SSUH2: variants seen among roughly 807,000 people sequenced by gnomAD.
SSUH2 encodes protein SSUH2 homolog.
SSUH2 carries 47 observed loss-of-function variants against 55.3 expected under a neutral mutation model. The observed-to-expected ratio is 0.85, with a 90% CI of 0.67 to 1.08. SSUH2 has a LOEUF of 1.08. Among genes scored for constraint, SSUH2 ranks in the 50% least tolerant of loss-of-function variants. The probability of loss-of-function intolerance (pLI) is 0.00; values close to 1 mark genes in which losing one functional copy is unlikely to be tolerated. For missense variants in SSUH2, 535 were observed against 490.7 expected (o/e 1.09, Z -0.85); for synonymous variants, 212 against 191.5 (o/e 1.11, Z -0.89).
intron 11 of SSUH2, among the ~76,000 whole-genome samples, chr3:8,621,512 A>AG (rs1696426595): frequency 6.6e-6 from 1 of 152,168 alleles, no homozygotes; most frequent in Non-Finnish European, 1.5e-5. Flanking sequence ...AGGAGAGGCC[A>AG]GGGGGCAGCA....
intron 8 of SSUH2, chr3:8,626,996 C>A (rs1419987012): frequency 6.6e-6 from 1 of 152,148 alleles, no homozygotes; most frequent in African/African-American, 2.4e-5. Flanking sequence ...AAATAAGTGT[C>A]TTTTTCCCAG....
At chr3:8,676,918 C>G (rs1198958917) in intron 3 of SSUH2, among the ~76,000 whole-genome samples, 1 of 144,826 alleles carries the variant, frequency 6.9e-6, no homozygotes, top group Admixed American at 6.8e-5. Flanking sequence ...CTCTTTCCCC[C>G]CTGGCTCTTA....
intron 11 of SSUH2, 98 bp downstream of exon 11, chr3:8,623,451 C>G (rs1696857254): frequency 6.2e-6 from 5 of 800,626 alleles, no homozygotes; most frequent in Non-Finnish European, 1.1e-5. Flanking sequence ...TCCCTCACCT[C>G]TACGTCCTCA....
At chr3:8,634,694 G>T in intron 3 of SSUH2, 1 of 780,440 alleles carries the variant, frequency 1.3e-6, no homozygotes, top group South Asian at 1.4e-5. Context: ...GTTGCTTCTG[G>T]CAGCAGCAGG....
chr3:8,632,014 C>T lies in SSUH2; in HGVS notation c.400+35G>A, dbSNP rs115761636. On this transcript the variant is annotated intron_variant, in intron 5 of 11. Transcript: ENST00000544814. Reference sequence around the variant, plus strand: ...TTCCACCAGCACCCTGACTTATTTGCCCCCAGTTAAACTAATTTCAGACAA... The same window carrying T: ...TTCCACCAGCACCCTGACTTATTTGTCCCCAGTTAAACTAATTTCAGACAA... The T allele has an allele frequency of 4.7e-3, 7,328 of 1,565,278 alleles. 27 individuals are homozygous for T. The highest frequency in any genetic ancestry group is 6.1e-3 in the Non-Finnish European group (6,875 of 1,135,724).
intron 1 of SSUH2, among the ~76,000 whole-genome samples, chr3:8,644,383 G>A (rs1381911426): frequency 6.6e-6 from 1 of 152,172 alleles, no homozygotes; most frequent in Non-Finnish European, 1.5e-5. Flanking sequence ...AGAATATAAG[G>A]TTTGCATGGT....
chr3:8,625,481 G>T (rs1697340944), intron 10 of SSUH2, 61 bp downstream of exon 10: 1 of 1,043,172 alleles, frequency 9.6e-7, no homozygotes, highest in Admixed American at 1.8e-5. Context: ...AGCAGCCCCA[G>T]GCCCACGAGA....
upstream of SSUH2, among the ~76,000 whole-genome samples, chr3:8,647,911 G>A (rs1041297230): frequency 6.6e-6 from 1 of 152,238 alleles, no homozygotes; most frequent in South Asian, 2.1e-4. Flanking sequence ...GTATGGAGTG[G>A]AGGAGAATGG....
intron 6 of SSUH2, among the ~76,000 whole-genome samples, chr3:8,662,800 T>G (rs1703627983): frequency 6.6e-6 from 1 of 152,184 alleles, no homozygotes; most frequent in African/African-American, 2.4e-5. Context: ...TCATCCCAAA[T>G]CTGCACTCGC....
chr3:8,681,410 C>A (rs923122033), intron 1 of SSUH2, among the ~76,000 whole-genome samples: 2 of 147,680 alleles, frequency 1.4e-5, no homozygotes, highest in African/African-American at 5.0e-5. Context: ...TGGGGAGGCA[C>A]CCCCGGCGAG....
intron 8 of SSUH2, chr3:8,627,362 C>T (rs535124886): frequency 8.4e-6 from 2 of 239,396 alleles, no homozygotes; most frequent in East Asian, 8.0e-5. Context: ...AAAAATCTGG[C>T]CTTTAGGTGG....
intron 3 of SSUH2, among the ~76,000 whole-genome samples, chr3:8,676,600 C>G (rs201930855): frequency 2.0e-4 from 30 of 150,964 alleles, no homozygotes; most frequent in African/African-American, 4.9e-4. Context: ...AATATCACAG[C>G]GTGGGTGTAC....
upstream of SSUH2, among the ~76,000 whole-genome samples, chr3:8,647,987 C>G (rs746591781): frequency 5.9e-5 from 9 of 152,202 alleles, no homozygotes; most frequent in Non-Finnish European, 1.0e-4. Context: ...AAGCACCCTC[C>G]TCTCTCTGGG....
intron 1 of SSUH2, among the ~76,000 whole-genome samples, chr3:8,643,068 A>C (rs1701130741): frequency 6.6e-6 from 1 of 152,188 alleles, no homozygotes; most frequent in South Asian, 2.1e-4. Flanking sequence ...TCAAAACAGG[A>C]ACTTCACAGA....
At chr3:8,663,687 A>G (rs984398925) in intron 6 of SSUH2, 2 of 394,034 alleles carry the variant, frequency 5.1e-6, no homozygotes, top group Non-Finnish European at 1.0e-5. Context: ...TTGATTAACT[A>G]ACTCAGCCTC....
chr3:8,671,841 G>C (rs1057346703), intron 4 of SSUH2: 1 of 144,540 alleles, frequency 6.9e-6, no homozygotes, highest in Non-Finnish European at 1.5e-5. Flanking sequence ...CACATCGCAG[G>C]GGGGCGGGCG....
At position 8,678,690 on chromosome 3, in the gene SSUH2, A is replaced by T. The variant is rs56060608; in HGVS notation, c.-901+1015T>A. On this transcript the variant is annotated intron_variant, in intron 2 of 18. Coordinates refer to the SSUH2 transcript ENST00000317371. Reference sequence around the variant, plus strand: ...GCGAGGCGGGGATTGAGAGCCAGCCACTCTTCCCCTCCTGGGTCTTAGGAC... The same window carrying T: ...GCGAGGCGGGGATTGAGAGCCAGCCTCTCTTCCCCTCCTGGGTCTTAGGAC... 2.4e-3 allele frequency among the ~76,000 whole-genome samples: 55 copies of T among 22,586 alleles called. 15 individuals are homozygous for T. The highest frequency in any genetic ancestry group is 3.7e-3 in the Non-Finnish European group (46 of 12,454). 14.8% of individuals were successfully genotyped at this position (22,586 alleles called of 152,430 possible).
At chr3:8,639,965 C>T (rs1012249995) in intron 1 of SSUH2, 2 of 985,208 alleles carry the variant, frequency 2.0e-6, no homozygotes, top group African/African-American at 1.7e-5. Flanking sequence ...GGTGTATTGT[C>T]GATATGCACA....
chr3:8,678,625 G>GCCA (rs1258950557), intron 2 of SSUH2, among the ~76,000 whole-genome samples: 2 of 65,698 alleles, frequency 3.0e-5, no homozygotes, highest in African/African-American at 5.4e-5. Context: ...TTCCCCCCCG[G>GCCA]CTTTTGGGAC....
Sources: gnomAD v4.1 joint callset for allele counts (sites outside exome capture counted in the v4.1 genomes callset) on GRCh38, gnomAD v4.1.1 for gene constraint, MANE v1.5 for transcripts, NCBI Gene and HGNC (gene_info 2026-07-23, HGNC 2026-07-21) for gene names.